CMC1: variants seen among roughly 807,000 people sequenced by gnomAD.
The protein encoded by CMC1 is C-X9-C motif containing 1.
A neutral mutation model predicts 14.1 loss-of-function variants in CMC1; 14 were observed. The observed-to-expected ratio is 0.99, with a 90% confidence interval of 0.66 to 1.55. The LOEUF is 1.55. Among genes scored for constraint, CMC1 ranks in the 40% most tolerant of loss-of-function variants. The probability of loss-of-function intolerance (pLI) is 0.00; values close to 1 mark genes in which losing one functional copy is unlikely to be tolerated. For synonymous variants in CMC1, 50 were observed against 38.4 expected, an observed-to-expected ratio of 1.30 and a Z score of -1.12; for missense variants, 127 against 123.8, an observed-to-expected ratio of 1.03 and a Z score of -0.12.
intron 2 of CMC1, among the ~76,000 whole-genome samples, chr3:28,281,304 G>A (rs1700882728): frequency 6.6e-6 from 1 of 152,188 alleles, no homozygotes; most frequent in Admixed American, 6.5e-5. Flanking sequence ...AGAGTGCAGT[G>A]AGGAAATGTT....
intron 2 of CMC1, among the ~76,000 whole-genome samples, chr3:28,285,859 T>A (rs146227804): frequency 2.6e-5 from 4 of 151,866 alleles, no homozygotes; most frequent in African/African-American, 9.7e-5. Flanking sequence ...CTCTGCCTCC[T>A]GGGTTCACGC....
Position 28,249,029 on chromosome 3 carries a change from A to G in CMC1, c.19+7217A>G, listed in dbSNP as rs990352638. 4.0e-4 allele frequency among the ~76,000 whole-genome samples: 61 copies of G among 152,166 alleles called. 1 individual carries two copies. Among genetic ancestry groups the G allele is most frequent in the African/African-American group, 1.4e-3 (57 of 41,426 alleles). On this transcript the variant is annotated intron_variant, in intron 1 of 3. Transcript: ENST00000466830. ...ATGGTCTCGATCTCCTGACCTTGTG[A>G]TCTGCCTGCCTCAGCCTCCCAAAGT...
chr3:28,273,518 C>T (rs573469567), intron 2 of CMC1, among the ~76,000 whole-genome samples: 6 of 152,134 alleles, frequency 3.9e-5, no homozygotes, highest in Non-Finnish European at 7.4e-5. Flanking sequence ...TTTTACTTCC[C>T]AATTACGTGG....
intron 2 of CMC1, among the ~76,000 whole-genome samples, chr3:28,283,547 A>AC (rs36064587): frequency 1.5e-4 from 13 of 85,666 alleles, no homozygotes; most frequent in Middle Eastern, 6.5e-3. Flanking sequence ...AACAACAACA[A>AC]AAACAAAAAA....
chr3:28,283,188 A>T (rs917040210), intron 2 of CMC1, among the ~76,000 whole-genome samples: 1 of 152,160 alleles, frequency 6.6e-6, no homozygotes, highest in Non-Finnish European at 1.5e-5. Context: ...GCTTTAGGTC[A>T]AACCATGGGT....
At chr3:28,249,662 C>A (rs1699021457) in intron 1 of CMC1, among the ~76,000 whole-genome samples, 1 of 152,172 alleles carries the variant, frequency 6.6e-6, no homozygotes, top group Admixed American at 6.5e-5. Context: ...TTGTACAGCC[C>A]TCTCAGGTGG....
At chr3:28,307,645 C>A (rs1454458102) in intron 2 of CMC1, among the ~76,000 whole-genome samples, 1 of 152,142 alleles carries the variant, frequency 6.6e-6, no homozygotes, top group Non-Finnish European at 1.5e-5. Flanking sequence ...GTCTAGAGTG[C>A]TGCTCTTGGT....
chr3:28,256,021 C>A (rs1699386138), intron 1 of CMC1, among the ~76,000 whole-genome samples: 1 of 152,058 alleles, frequency 6.6e-6, no homozygotes, highest in Admixed American at 6.5e-5. Context: ...ACAATAGTTA[C>A]AATTCTCTTT....
chr3:28,257,939 A>T (rs1202918508), intron 1 of CMC1, among the ~76,000 whole-genome samples: 2 of 151,982 alleles, frequency 1.3e-5, no homozygotes, highest in South Asian at 2.1e-4. Context: ...AAAGTTGCAG[A>T]TGCTTCACAT....
At chr3:28,263,642 A>G (rs532440014) in intron 2 of CMC1, among the ~76,000 whole-genome samples, 1 of 152,156 alleles carries the variant, frequency 6.6e-6, no homozygotes, top group Admixed American at 6.6e-5. Flanking sequence ...ATACATGGAA[A>G]AACTTGGTAT....
chr3:28,263,380 G>A lies in CMC1; in HGVS notation c.109G>A (p.Asp37Asn). Residue 37 changes from aspartate to asparagine, a missense_variant and splice_region_variant, in exon 2 of 4, where the codon GAT becomes AAT. Transcript: ENST00000466830. ...AGAGAGGTGTTCTGAACAAGTTCAAGGTAACATTCAAATATTCATGTAAAG... is the reference window on the plus strand; with the variant it reads ...AGAGAGGTGTTCTGAACAAGTTCAAAGTAACATTCAAATATTCATGTAAAG... ...AKERCSEQVQDFTKCCKNSGV... is the reference protein window; with the variant it reads ...AKERCSEQVQNFTKCCKNSGV... 1 of 1,564,912 alleles carries A rather than the reference G, an allele frequency of 6.4e-7. No individual in the cohort carries two copies. Among genetic ancestry groups the A allele is most frequent in the Non-Finnish European group, 8.7e-7 (1 of 1,147,652 alleles).
At chr3:28,242,491 A>G (rs750212944) in intron 1 of CMC1, among the ~76,000 whole-genome samples, 20 of 152,350 alleles carry the variant, frequency 1.3e-4, no homozygotes, top group Middle Eastern at 3.4e-3. Flanking sequence ...TTTTATGGAT[A>G]CAAAAAGTCA....
chr3:28,283,388 G>A lies in CMC1; in HGVS notation c.109+20008G>A, dbSNP rs140870861. ...AAAAAAATTAGCCAGGTGTCATGGC[G>A]CATGCCTGTAATCCCGGCTACTCAG... On this transcript the variant is annotated intron_variant, in intron 2 of 3. Transcript: ENST00000466830. 7.8e-4 allele frequency among the ~76,000 whole-genome samples: 119 copies of A among 151,830 alleles called. 4 individuals are homozygous for A. In the East Asian group the frequency reaches 0.016, roughly 21 times the overall value.
chr3:28,270,948 G>A (rs551494274), intron 2 of CMC1, among the ~76,000 whole-genome samples: 1 of 89,052 alleles, frequency 1.1e-5, no homozygotes, highest in East Asian at 3.5e-4. Context: ...TTTTTGAGAT[G>A]GAGTTTTCGT....
intron 1 of CMC1, among the ~76,000 whole-genome samples, chr3:28,250,078 C>T (rs1480532518): frequency 6.6e-6 from 1 of 152,128 alleles, no homozygotes; most frequent in Non-Finnish European, 1.5e-5. Context: ...CCTTAATTAC[C>T]TCCCAAAAGC....
chr3:28,293,491 G>C (rs938279048), intron 2 of CMC1, among the ~76,000 whole-genome samples: 1 of 152,148 alleles, frequency 6.6e-6, no homozygotes, highest in Non-Finnish European at 1.5e-5. Context: ...GTAGATGGTT[G>C]TAAGATATCA....
At position 28,245,738 on chromosome 3, in the gene CMC1, C is replaced by A. The variant is rs189776537; in HGVS notation, c.19+3926C>A. 3.9e-3 allele frequency among the ~76,000 whole-genome samples: 593 copies of A among 152,156 alleles called. 4 individuals are homozygous for A. The highest frequency in any genetic ancestry group is 0.014 in the African/African-American group (564 of 41,522). On this transcript the variant is annotated intron_variant, in intron 1 of 3. Coordinates refer to ENST00000466830, the MANE Select transcript of CMC1 (RefSeq NM_182523.2). ...TTGGGAAGATTTAATTATGGATGTT[C>A]TTGGAACATTTGGGTTGCAGTACTC...
At chr3:28,241,966 G>C (rs1224342354) in intron 1 of CMC1, 154 bp downstream of exon 1, 1 of 650,950 alleles carries the variant, frequency 1.5e-6, no homozygotes, top group African/African-American at 1.9e-5. Flanking sequence ...TGCTTCGCCC[G>C]GTCTGAGGTC....
At chr3:28,275,341 C>CTTTT (rs71087681) in intron 2 of CMC1, among the ~76,000 whole-genome samples, 1 of 101,066 alleles carries the variant, frequency 9.9e-6, no homozygotes, top group Non-Finnish European at 2.0e-5. Context: ...TTTTTTTTTT[C>CTTTT]TTTTTTTTTT....
Sources: gnomAD v4.1 joint callset for allele counts (sites outside exome capture counted in the v4.1 genomes callset) on GRCh38, gnomAD v4.1.1 for gene constraint, MANE v1.5 for transcripts, NCBI Gene and HGNC (gene_info 2026-07-23, HGNC 2026-07-21) for gene names.